SNX25: variants seen among roughly 807,000 people sequenced by gnomAD.
The protein encoded by SNX25 is sorting nexin 25.
A neutral mutation model predicts 113.7 loss-of-function variants in SNX25; 62 were observed. The observed-to-expected ratio is 0.55, with a 90% CI of 0.44 to 0.67. SNX25 has a LOEUF of 0.67. Ranked by LOEUF, SNX25 falls within the 30% of genes least tolerant of loss-of-function variation. The pLI, the probability that SNX25 is intolerant of heterozygous loss-of-function variation, is 0.00. For missense variants in SNX25, 1,014 were observed against 1,161.0 expected (o/e 0.87, Z 1.84); for synonymous variants, 421 against 436.2 (o/e 0.97, Z 0.43).
rs552130188 is a variant in SNX25, at chr4:185,245,531, G to T, written c.430-1763G>T. On this transcript the variant is annotated intron_variant, in intron 1 of 18. Transcript: ENST00000652585. ...TTTTGTATTTTTAGTAGAGACGGGG[G>T]TCTCACTGTGATGGCCAGGCTGGAC... Among the ~76,000 whole-genome samples the T allele has an allele frequency of 1.3e-4, 20 of 152,076 alleles. No individual in the cohort carries two copies. The South Asian group carries it at 3.5e-3, about 27-fold the overall frequency.
At chr4:185,267,680 G>C (rs1748326769) in intron 5 of SNX25, among the ~76,000 whole-genome samples, 1 of 151,254 alleles carries the variant, frequency 6.6e-6, no homozygotes, top group Non-Finnish European at 1.5e-5. Context: ...GCAGTGAGCT[G>C]AGATCACACC....
intron 9 of SNX25, among the ~76,000 whole-genome samples, chr4:185,324,613 G>T (rs1040629565): frequency 6.6e-6 from 1 of 152,102 alleles, no homozygotes; most frequent in Non-Finnish European, 1.5e-5. Context: ...GTCTCTGGTC[G>T]GGGAGGGATT....
intron 6 of SNX25, among the ~76,000 whole-genome samples, chr4:185,306,811 C>T (rs1248378151): frequency 6.6e-6 from 1 of 152,232 alleles, no homozygotes; most frequent in Non-Finnish European, 1.5e-5. Flanking sequence ...CACAAAACAT[C>T]TTAGTTTGCA....
At chr4:185,222,655 G>A (rs960938435) in intron 1 of SNX25, among the ~76,000 whole-genome samples, 1 of 152,136 alleles carries the variant, frequency 6.6e-6, no homozygotes, top group African/African-American at 2.4e-5. Flanking sequence ...ATTAGTTATT[G>A]AACTCCATAT....
At position 185,209,930 on chromosome 4, in the gene SNX25, C is replaced by T. The variant is rs1737469601; in HGVS notation, c.104C>T (p.Pro35Leu). 1.0e-6 allele frequency: 1 copy of T among 983,450 alleles called. No homozygotes were observed. Among genetic ancestry groups the T allele is most frequent in the Non-Finnish European group, 1.2e-6 (1 of 829,240 alleles). The allele number at this position is 983,450 out of a possible 1,614,324, so 60.9% of individuals were successfully genotyped here. The change falls in exon 1 of 19, where the codon CCG becomes CTG. Residue 35 changes from proline (P) to leucine (L), a missense_variant. Transcript: ENST00000652585. The surrounding 1 kb of genome is among the most constrained non-coding windows in gnomAD (Gnocchi z 5.2). ...TCGGGCTTCAGGGGCGAGCGGCGGC[C>T]GGAGTCCCCGGGGGACGCGGAGGCA... ...PVSGFRGERR[P>L]ESPGDAEAAA...
At chr4:185,345,046 G>A (rs2095278861) in intron 12 of SNX25, among the ~76,000 whole-genome samples, 1 of 152,194 alleles carries the variant, frequency 6.6e-6, no homozygotes, top group African/African-American at 2.4e-5. Context: ...AGGAAAAAGA[G>A]TTGAGGGAAA....
intron 5 of SNX25, among the ~76,000 whole-genome samples, chr4:185,287,340 T>TA (rs1383419320): frequency 6.6e-6 from 1 of 152,208 alleles, no homozygotes; most frequent in Non-Finnish European, 1.5e-5. Context: ...GCTTTAAAAA[T>TA]ACTGATGCGA....
At chr4:185,267,566 A>G (rs1170960196) in intron 5 of SNX25, among the ~76,000 whole-genome samples, 2 of 152,010 alleles carry the variant, frequency 1.3e-5, no homozygotes, top group East Asian at 1.9e-4. Flanking sequence ...CCGCATCTCT[A>G]CTAAAAATAC....
chr4:185,212,491 G>GTGTGTGTGTTTTTGTTTT (rs546083196), intron 1 of SNX25, among the ~76,000 whole-genome samples: 21 of 104,938 alleles, frequency 2.0e-4, no homozygotes, highest in South Asian at 9.3e-4. Flanking sequence ...GTGTGTGTGT[G>GTGTGTGTGTTTTTGTTTT]TTTTTTTTTT....
intron 10 of SNX25, 90 bp from the exon 11 acceptor site, chr4:185,339,289 T>G: frequency 8.1e-7 from 1 of 1,233,662 alleles, no homozygotes; most frequent in South Asian, 1.4e-5. Flanking sequence ...CACAGCTGAT[T>G]ATTGTGTGTT....
At chr4:185,274,777 C>G (rs1352377720) in intron 5 of SNX25, among the ~76,000 whole-genome samples, 2 of 152,200 alleles carry the variant, frequency 1.3e-5, no homozygotes, top group East Asian at 1.9e-4. Context: ...CTTTCTTGAT[C>G]ATTATAACAA....
intron 9 of SNX25, among the ~76,000 whole-genome samples, chr4:185,327,301 G>A (rs879489629): frequency 1.3e-5 from 2 of 152,190 alleles, no homozygotes; most frequent in African/African-American, 2.4e-5. Context: ...TTCCCTAGCT[G>A]CAAAGCAGGC....
chr4:185,374,454 C>A, downstream of SNX25: 1 of 1,604,854 alleles, frequency 6.2e-7, no homozygotes. Context: ...ATAGTCCACC[C>A]CTTTCTCCTT....
chr4:185,355,820 T>G (rs2095336321), intron 15 of SNX25, among the ~76,000 whole-genome samples: 1 of 152,200 alleles, frequency 6.6e-6, no homozygotes. Flanking sequence ...CTCCCCAGTT[T>G]CCTACAGAGT....
intron 1 of SNX25, among the ~76,000 whole-genome samples, chr4:185,224,088 C>T (rs1740444522): frequency 6.6e-6 from 1 of 152,118 alleles, no homozygotes; most frequent in Non-Finnish European, 1.5e-5. Flanking sequence ...CACAGTGGCT[C>T]ACGCCTGTAA....
At chr4:185,361,794 C>T in intron 16 of SNX25, 130 bp from the exon 17 acceptor site, 1 of 599,246 alleles carries the variant, frequency 1.7e-6, no homozygotes, top group Admixed American at 3.7e-5. Flanking sequence ...TTTAAAAAAT[C>T]CAATTCCTAG....
At chr4:185,206,477 C>T (rs544415100), upstream of SNX25, among the ~76,000 whole-genome samples, 7 of 98,948 alleles carry the variant, frequency 7.1e-5, no homozygotes, top group South Asian at 1.8e-3. Flanking sequence ...GAGACCAGCC[C>T]GATGAACCCC....
In SNX25 at chr4:185,209,719, C is replaced by G. The variant is rs1428409296; in HGVS notation, c.-108C>G. The G allele has an allele frequency of 2.0e-6, 2 of 983,922 alleles. No homozygotes were observed. The highest frequency in any genetic ancestry group is 2.4e-6 in the Non-Finnish European group (2 of 829,184). 60.9% of individuals were successfully genotyped at this position (983,922 alleles called of 1,614,324 possible). A position where few individuals can be genotyped will look rare whatever the true frequency, so the allele number is the denominator to read the frequency against. ...GCGGCGTCTGCGGGGGCCGCTCCCT[C>G]GGTGGGCCGCGGGCGAGGCATGAGC... On this transcript the variant is annotated 5_prime_UTR_variant, in exon 1 of 19. Coordinates refer to ENST00000652585, the MANE Select transcript of SNX25 (RefSeq NM_001378034.2). The surrounding 1 kb of genome is among the most constrained non-coding windows in gnomAD (Gnocchi z 5.2).
downstream of SNX25, chr4:185,374,541 A>G (rs2095426781): frequency 1.4e-6 from 2 of 1,469,602 alleles, no homozygotes; most frequent in African/African-American, 2.8e-5. Flanking sequence ...TAAGGCTGTG[A>G]AGTGTCCGCC....
Sources: gnomAD v4.1 joint callset for allele counts (sites outside exome capture counted in the v4.1 genomes callset) on GRCh38, gnomAD v4.1.1 for gene constraint, Gnocchi (gnomAD v3.1) non-coding constraint, MANE v1.5 for transcripts, NCBI Gene and HGNC (gene_info 2026-07-23, HGNC 2026-07-21) for gene names.